The following AFF3 variants were observed in gnomAD, a reference collection of about 807,000 sequenced individuals.
The protein encoded by AFF3 is ALF transcription elongation factor 3, also known as AF4/FMR2 family member 3.
AFF3 carries 32 observed loss-of-function variants against 129.7 expected under a neutral mutation model. That is an observed-to-expected ratio of 0.25 (90% confidence interval 0.19 to 0.33). AFF3 has a LOEUF of 0.33. Ranked by LOEUF, AFF3 falls within the 10% of genes least tolerant of loss-of-function variation. The pLI is 1.00. For synonymous variants in AFF3, 644 were observed against 635.4 expected, an observed-to-expected ratio of 1.01 and a Z score of -0.20; for missense variants, 1,373 against 1,592.0, an observed-to-expected ratio of 0.86 and a Z score of 2.34.
chr2:99,878,715 C>G (rs1466205054), intron 7 of AFF3, among the ~76,000 whole-genome samples: 3 of 152,134 alleles, frequency 2.0e-5, no homozygotes, highest in Admixed American at 1.3e-4. Flanking sequence ...TCACCAAACT[C>G]TTGATTTGGA....
intron 2 of AFF3, among the ~76,000 whole-genome samples, chr2:100,114,120 A>C (rs62149354): frequency 0.017 from 2,608 of 152,198 alleles, 47 homozygotes; most frequent in African/African-American, 0.047. Flanking sequence ...AAAAGAGGAA[A>C]TGTCTTCTGA....
At chr2:100,068,415 G>T (rs1381357647) in intron 4 of AFF3, among the ~76,000 whole-genome samples, 3 of 152,344 alleles carry the variant, frequency 2.0e-5, no homozygotes, top group East Asian at 1.9e-4. Flanking sequence ...ACAGCTGTTT[G>T]TTGAGGCTGT....
At chr2:99,837,388 G>A in intron 8 of AFF3, 89 bp downstream of exon 8, 1 of 1,241,266 alleles carries the variant, frequency 8.1e-7, no homozygotes, top group African/African-American at 1.5e-5. Flanking sequence ...CACAGACTAT[G>A]GGCTCCTTTA....
chr2:100,032,285 C>T (rs1398844028), intron 4 of AFF3, among the ~76,000 whole-genome samples: 1 of 152,020 alleles, frequency 6.6e-6, no homozygotes, highest in East Asian at 1.9e-4. Context: ...ACAAATTAGC[C>T]AGGTGTGGTG....
intron 7 of AFF3, among the ~76,000 whole-genome samples, chr2:99,843,350 C>T (rs1689463891): frequency 6.6e-6 from 1 of 152,234 alleles, no homozygotes; most frequent in African/African-American, 2.4e-5. Flanking sequence ...CTCCCAATCC[C>T]CAAGCTAGAA....
In AFF3 at chr2:99,820,969, T is replaced by C. The variant is rs966785341; in HGVS notation, c.921+16508A>G. Among the ~76,000 whole-genome samples, 4 of 147,280 alleles carry C rather than the reference T, an allele frequency of 2.7e-5. No individual in the cohort carries two copies. In the East Asian group the frequency reaches 8.4e-4, roughly 31 times the overall value. ...CTCACTGCAACCTCTGCCTCCCAGG[T>C]TCAAGCAATTCTCCTGCCTCAGCCT... On this transcript the variant is annotated intron_variant, in intron 8 of 24. Coordinates refer to ENST00000672756, the MANE Select transcript of AFF3 (RefSeq NM_001386135.1).
In AFF3 at chr2:99,667,925, G is replaced by A. The variant is rs532635240; in HGVS notation, c.1143+4613C>T. Among the ~76,000 whole-genome samples, 284 of 151,978 alleles carry A rather than the reference G, an allele frequency of 1.9e-3. 2 individuals carry two copies. Among genetic ancestry groups the A allele is most frequent in the African/African-American group, 6.5e-3 (268 of 41,496 alleles). On this transcript the variant is annotated intron_variant, in intron 12 of 24. Transcript: ENST00000672756. ...TAATCCCAGCACTTTGGGAGGCCGA[G>A]GCGGGTAGATCATGAGGTCAGGAGA...
intron 2 of AFF3, chr2:100,107,110 T>G (rs1691337517): frequency 1.0e-6 from 1 of 985,334 alleles, no homozygotes; most frequent in African/African-American, 1.7e-5. Flanking sequence ...GATAGTTGGA[T>G]TGATTATTTC....
At chr2:99,649,753 G>A (rs1685062034) in intron 12 of AFF3, 87 bp from the exon 13 acceptor site, 1 of 1,483,532 alleles carries the variant, frequency 6.7e-7, no homozygotes. Flanking sequence ...AAAGACCCCT[G>A]CATTACACAC....
intron 8 of AFF3, among the ~76,000 whole-genome samples, chr2:99,816,436 C>A (rs894759060): frequency 4.6e-5 from 7 of 152,174 alleles, no homozygotes; most frequent in African/African-American, 1.7e-4. Context: ...AACATGTCAT[C>A]TAGGACAGTG....
intron 4 of AFF3, among the ~76,000 whole-genome samples, chr2:100,081,454 A>T (rs1372039142): frequency 6.6e-6 from 1 of 151,814 alleles, no homozygotes; most frequent in Non-Finnish European, 1.5e-5. Flanking sequence ...CATGTCAGTG[A>T]CCACCTGCTC....
chr2:99,594,297 C>T lies in AFF3; in HGVS notation c.1372-8G>A, dbSNP rs1679071920. 7 of 1,590,214 alleles carry T rather than the reference C, an allele frequency of 4.4e-6. No homozygotes were observed. The East Asian group carries it at 1.6e-4, about 36-fold the overall frequency. On this transcript the variant is annotated splice_region_variant and splice_polypyrimidine_tract_variant and intron_variant, in intron 14 of 24. Transcript: ENST00000672756. ...AGAGGATGCCGGTTCAGCCTGAAAG[C>T]AGAAAACCGGTGACAAACAAAACAT...
At chr2:99,876,538 C>T (rs1014608890) in intron 7 of AFF3, among the ~76,000 whole-genome samples, 1 of 152,090 alleles carries the variant, frequency 6.6e-6, no homozygotes, top group African/African-American at 2.4e-5. Flanking sequence ...ACCTCTCCCC[C>T]GGCCTGTGTC....
intron 7 of AFF3, among the ~76,000 whole-genome samples, chr2:99,914,257 T>C (rs1019397652): frequency 1.3e-5 from 2 of 152,086 alleles, no homozygotes; most frequent in African/African-American, 4.8e-5. Context: ...TGCAAAAAAA[T>C]GTAAAACTTG....
intron 1 of AFF3, among the ~76,000 whole-genome samples, chr2:100,131,765 T>C (rs919658274): frequency 6.6e-6 from 1 of 152,242 alleles, no homozygotes; most frequent in Non-Finnish European, 1.5e-5. Context: ...TAAAGTTCCA[T>C]CTGTGTGTCA....
intron 7 of AFF3, among the ~76,000 whole-genome samples, chr2:99,932,295 A>T (rs1674087266): frequency 6.6e-6 from 1 of 152,164 alleles, no homozygotes; most frequent in Non-Finnish European, 1.5e-5. Context: ...AATGTGGCCC[A>T]GGGAAGCCAA....
intron 8 of AFF3, among the ~76,000 whole-genome samples, chr2:99,817,206 C>T (rs1243212144): frequency 6.6e-6 from 1 of 152,164 alleles, no homozygotes; most frequent in Non-Finnish European, 1.5e-5. Context: ...CCTTGGGGCA[C>T]CTGGCAGAGG....
At chr2:99,809,578 C>T in intron 8 of AFF3, among the ~76,000 whole-genome samples, 1 of 152,226 alleles carries the variant, frequency 6.6e-6, no homozygotes, top group East Asian at 1.9e-4. Context: ...AGAGCCACCA[C>T]ACACCTTTGC....
chr2:100,012,451 C>G (rs1484635077), intron 4 of AFF3, among the ~76,000 whole-genome samples: 1 of 152,184 alleles, frequency 6.6e-6, no homozygotes, highest in Non-Finnish European at 1.5e-5. Context: ...GCAGATGTCA[C>G]TGTAAGAGAA....
Sources: allele counts gnomAD v4.1 joint callset (sites outside exome capture counted in the v4.1 genomes callset), GRCh38; gene constraint gnomAD v4.1.1; transcripts MANE v1.5; gene names NCBI Gene and HGNC (gene_info 2026-07-23, HGNC 2026-07-21).